NLGN1: variants seen among roughly 807,000 people sequenced by gnomAD.
NLGN1 encodes the protein neuroligin-1.
Under a neutral mutation model 65.5 loss-of-function variants are expected in NLGN1, and 12 were observed. The ratio of observed to expected loss-of-function variants is 0.18; its 90% CI spans 0.12 to 0.30. The LOEUF is 0.30. NLGN1 is among the 10% of genes least tolerant of loss of function. The pLI, the probability that NLGN1 is intolerant of heterozygous loss-of-function variation, is 1.00. For missense variants in NLGN1, 750 were observed against 1,007.1 expected (o/e 0.74, Z 3.46); for synonymous variants, 350 against 359.5 (o/e 0.97, Z 0.30).
At chr3:173,823,670 A>G (rs1426619281) in intron 4 of NLGN1, among the ~76,000 whole-genome samples, 3 of 152,094 alleles carry the variant, frequency 2.0e-5, no homozygotes, top group Non-Finnish European at 4.4e-5. Flanking sequence ...CCACATTTCA[A>G]GTACTCAATA....
chr3:173,491,670 C>T (rs1028878910), intron 2 of NLGN1, among the ~76,000 whole-genome samples: 1 of 151,728 alleles, frequency 6.6e-6, no homozygotes, highest in African/African-American at 2.4e-5. Context: ...CTGTCTGAAG[C>T]AGTCATGTTT....
chr3:173,432,444 G>A (rs1294352437), intron 1 of NLGN1, among the ~76,000 whole-genome samples: 1 of 152,258 alleles, frequency 6.6e-6, no homozygotes, highest in African/African-American at 2.4e-5. Context: ...GAAGTACCTC[G>A]TTAGTGTTTT....
chr3:173,972,778 G>T (rs946242870), intron 4 of NLGN1, among the ~76,000 whole-genome samples: 1 of 152,000 alleles, frequency 6.6e-6, no homozygotes, highest in South Asian at 2.1e-4. Context: ...CAGAGTAGTT[G>T]TTCTCAAAGT....
intron 4 of NLGN1, among the ~76,000 whole-genome samples, chr3:173,918,632 A>G (rs1251728018): frequency 0.011 from 734 of 69,764 alleles, 10 homozygotes; most frequent in African/African-American, 0.059. Context: ...CTCCATCTCA[A>G]AAAAAAAAAA....
chr3:174,195,301 T>C (rs549260156), intron 4 of NLGN1, among the ~76,000 whole-genome samples: 56 of 152,340 alleles, frequency 3.7e-4, no homozygotes, highest in South Asian at 1.4e-3. Flanking sequence ...GTTTAAGATC[T>C]CTATTTTAGA....
At chr3:173,779,175 A>G (rs149371980) in intron 3 of NLGN1, among the ~76,000 whole-genome samples, 6 of 152,018 alleles carry the variant, frequency 3.9e-5, no homozygotes, top group African/African-American at 1.4e-4. Context: ...GAGATTGGAT[A>G]TCTGATTAAC....
chr3:174,252,319 C>G (rs1744935998), intron 4 of NLGN1, among the ~76,000 whole-genome samples: 1 of 151,772 alleles, frequency 6.6e-6, no homozygotes, highest in Admixed American at 6.6e-5. Flanking sequence ...CATCATGTTT[C>G]TATAACAAAA....
At chr3:174,226,985 C>T (rs1739834164) in intron 4 of NLGN1, among the ~76,000 whole-genome samples, 1 of 152,104 alleles carries the variant, frequency 6.6e-6, no homozygotes, top group Non-Finnish European at 1.5e-5. Context: ...AGCAAGTAGG[C>T]ATACGATTGT....
chr3:174,055,624 G>A (rs762923394), intron 4 of NLGN1, among the ~76,000 whole-genome samples: 1 of 151,988 alleles, frequency 6.6e-6, no homozygotes, highest in Non-Finnish European at 1.5e-5. Flanking sequence ...CAGCTCCTAA[G>A]CAACAATTGA....
chr3:174,244,261 G>A (rs919092448), intron 4 of NLGN1, among the ~76,000 whole-genome samples: 2 of 152,126 alleles, frequency 1.3e-5, no homozygotes, highest in African/African-American at 4.8e-5. Flanking sequence ...ATTCATTTAA[G>A]AACAGATAAA....
At chr3:173,876,039 G>C (rs562863856) in intron 4 of NLGN1, among the ~76,000 whole-genome samples, 116 of 152,248 alleles carry the variant, frequency 7.6e-4, no homozygotes, top group African/African-American at 2.6e-3. Context: ...TGAAGATAAT[G>C]ATTGATGAAT....
chr3:173,785,058 A>G (rs1781746245), intron 3 of NLGN1, among the ~76,000 whole-genome samples: 1 of 152,190 alleles, frequency 6.6e-6, no homozygotes, highest in African/African-American at 2.4e-5. Flanking sequence ...AGACATACAC[A>G]CACATAACAA....
At chr3:174,082,675 A>T (rs562231301) in intron 4 of NLGN1, among the ~76,000 whole-genome samples, 1 of 152,126 alleles carries the variant, frequency 6.6e-6, no homozygotes, top group Admixed American at 6.6e-5. Flanking sequence ...ATATATAAAC[A>T]TATTAATAGT....
intron 2 of NLGN1, among the ~76,000 whole-genome samples, chr3:173,593,402 C>G (rs1748880979): frequency 6.6e-6 from 1 of 152,160 alleles, no homozygotes; most frequent in African/African-American, 2.4e-5. Context: ...ACGTCGTCCT[C>G]TCCAATGCCT....
intron 3 of NLGN1, among the ~76,000 whole-genome samples, chr3:173,696,414 A>C (rs1207544344): frequency 6.6e-6 from 1 of 152,136 alleles, no homozygotes; most frequent in Non-Finnish European, 1.5e-5. Flanking sequence ...AGCTACCAAG[A>C]GACTTTTTTT....
chr3:173,504,153 T>A (rs2149070922), intron 2 of NLGN1, among the ~76,000 whole-genome samples: 1 of 152,146 alleles, frequency 6.6e-6, no homozygotes, highest in East Asian at 1.9e-4. Context: ...TCCATACAAT[T>A]TTTATCTTTG....
intron 4 of NLGN1, among the ~76,000 whole-genome samples, chr3:174,257,135 G>A (rs1273172389): frequency 6.6e-6 from 1 of 152,112 alleles, no homozygotes; most frequent in Non-Finnish European, 1.5e-5. Context: ...CATAAATGCA[G>A]CCAACAAACA....
intron 3 of NLGN1, chr3:173,800,192 C>G: frequency 3.5e-6 from 1 of 284,460 alleles, no homozygotes; most frequent in Non-Finnish European, 6.1e-6. Flanking sequence ...TGGAAATATC[C>G]TTGAGAATTT....
intron 4 of NLGN1, among the ~76,000 whole-genome samples, chr3:173,894,613 CTTTTCTTTTTTTTCT>C (rs1349796035): frequency 4.7e-5 from 7 of 147,762 alleles, no homozygotes; most frequent in Non-Finnish European, 1.5e-5. Flanking sequence ...TAATAAATTT[CTTTTCTTTTTTTTCT>C]TTTTCTTTTT....
Sources: allele counts gnomAD v4.1 joint callset (sites outside exome capture counted in the v4.1 genomes callset), GRCh38; gene constraint gnomAD v4.1.1; transcripts MANE v1.5; gene names NCBI Gene and HGNC (gene_info 2026-07-23, HGNC 2026-07-21).